Variants in SASH1 observed in about 807,000 individuals in gnomAD.
SASH1 encodes the protein SAM and SH3 domain-containing protein 1.
A neutral mutation model predicts 125.2 loss-of-function variants in SASH1; 44 were observed. The observed-to-expected ratio is 0.35, with a 90% confidence interval of 0.28 to 0.45. SASH1 has a LOEUF of 0.45. Ranked by LOEUF, SASH1 falls within the 20% of genes least tolerant of loss-of-function variation. SASH1 has a pLI of 1.00. For synonymous variants in SASH1, 639 were observed against 649.1 expected, an observed-to-expected ratio of 0.98 and a Z score of 0.24; for missense variants, 1,426 against 1,614.5, an observed-to-expected ratio of 0.88 and a Z score of 2.00.
intron 1 of SASH1, 68 bp downstream of exon 1, chr6:148,343,291 T>C (rs566754836): frequency 4.6e-5 from 68 of 1,480,970 alleles, no homozygotes; most frequent in Middle Eastern, 3.5e-4. Flanking sequence ...AACCGGGGGC[T>C]CCCTTCTCGC....
At chr6:148,382,335 G>T (rs1783173382) in intron 1 of SASH1, among the ~76,000 whole-genome samples, 1 of 152,174 alleles carries the variant, frequency 6.6e-6, no homozygotes, top group Non-Finnish European at 1.5e-5. Flanking sequence ...TGTCACCCAG[G>T]CTGGAGTGCG....
At chr6:148,234,932 T>C in the SASH1 span, among the ~76,000 whole-genome samples, 4 of 152,226 alleles carry the variant, frequency 2.6e-5, no homozygotes, top group East Asian at 3.9e-4. Flanking sequence ...ATCAGAAATA[T>C]TATCTAAAAT....
chr6:148,298,695 AAGGAAGGAAGGAAGGAAGAAGGAAGGG>A lies in SASH1; in HGVS notation n.74+26320_74+26346del, dbSNP rs1562312182. 8.2e-5 allele frequency among the ~76,000 whole-genome samples: 7 copies of A among 85,404 alleles called. 1 individual carries two copies. Among genetic ancestry groups the A allele is most frequent in the African/African-American group, 3.2e-4 (7 of 22,112 alleles). 56.0% of individuals were successfully genotyped at this position (85,404 alleles called of 152,430 possible). A position where few individuals can be genotyped will look rare whatever the true frequency, so the allele number is the denominator to read the frequency against. On this transcript the variant is annotated intron_variant and non_coding_transcript_variant, in intron 1 of 3. Transcript: ENST00000367469. ...GAAGGAAGGAAGGAAGGAAGGAAGG[AAGGAAGGAAGGAAGGAAGAAGGAAGGG>A]AAAGGAGGGAGGGAGGGAGGGAAAG...
chr6:148,505,415 G>A lies in SASH1; in HGVS notation c.730-8909G>A, dbSNP rs145735192. Among the ~76,000 whole-genome samples the A allele has an allele frequency of 5.5e-3, 833 of 152,328 alleles. 4 individuals are homozygous for A. Among genetic ancestry groups the A allele is most frequent in the Admixed American group, 8.5e-3 (130 of 15,308 alleles). On this transcript the variant is annotated intron_variant, in intron 8 of 19. Transcript: ENST00000367467. ...TGCAGCCACTGCCTCCCAGGTTCAAGCGATTCTTGTGTCTCAGCCTCCTGA... is the reference window on the plus strand; with the variant it reads ...TGCAGCCACTGCCTCCCAGGTTCAAACGATTCTTGTGTCTCAGCCTCCTGA...
intron 4 of SASH1, among the ~76,000 whole-genome samples, chr6:148,457,687 CA>C (rs1268112348): frequency 2.0e-5 from 3 of 152,140 alleles, no homozygotes; most frequent in African/African-American, 7.2e-5. Flanking sequence ...TGTATTCATC[CA>C]TCCTCACGCT....
chr6:148,524,659 G>T (rs1344150620), intron 10 of SASH1: 1 of 152,228 alleles, frequency 6.6e-6, no homozygotes, highest in African/African-American at 2.4e-5. Flanking sequence ...GGGTCACCAT[G>T]AATTAACTTG....
intron 8 of SASH1, chr6:148,508,516 T>C: frequency 9.9e-7 from 1 of 1,013,038 alleles, no homozygotes; most frequent in Non-Finnish European, 1.2e-6. Context: ...ACAGGGATTG[T>C]TGGCCATGCA....
At chr6:148,477,789 C>T (rs995281887) in intron 7 of SASH1, among the ~76,000 whole-genome samples, 4 of 151,402 alleles carry the variant, frequency 2.6e-5, no homozygotes, top group Admixed American at 6.6e-5. Flanking sequence ...CCTCCACCTC[C>T]CAGGTTCCAG....
chr6:148,414,554 A>T (rs1430143001), intron 2 of SASH1, among the ~76,000 whole-genome samples: 2 of 152,210 alleles, frequency 1.3e-5, no homozygotes, highest in Non-Finnish European at 2.9e-5. Flanking sequence ...AAGTTTATCC[A>T]ACACATACTT....
At chr6:148,321,691 A>G (rs1780637379) in intron 1 of SASH1, among the ~76,000 whole-genome samples, 3 of 152,172 alleles carry the variant, frequency 2.0e-5, no homozygotes, top group African/African-American at 7.2e-5. Context: ...CACATTCCCA[A>G]TGCTTAGCAC....
At chr6:148,355,905 G>A (rs1397738517) in intron 1 of SASH1, among the ~76,000 whole-genome samples, 1 of 151,986 alleles carries the variant, frequency 6.6e-6, no homozygotes, top group African/African-American at 2.4e-5. Context: ...TGGGGAACAG[G>A]TCAGGTAGTA....
intron 1 of SASH1, among the ~76,000 whole-genome samples, chr6:148,307,030 T>TTCTC (rs1483558586): frequency 1.4e-4 from 6 of 44,102 alleles, no homozygotes; most frequent in Non-Finnish European, 2.6e-4. Context: ...TTTCTTTTCT[T>TTCTC]TCTTTCTTTC....
the SASH1 span, among the ~76,000 whole-genome samples, chr6:148,257,628 C>CTTT: frequency 2.3e-4 from 29 of 127,128 alleles, no homozygotes; most frequent in African/African-American, 3.0e-4. Flanking sequence ...TGTCAGTTTA[C>CTTT]TTTTTTTTTT....
chr6:148,390,305 C>T (rs1783647361), intron 2 of SASH1, 43 bp downstream of exon 2: 1 of 1,589,526 alleles, frequency 6.3e-7, no homozygotes, highest in Non-Finnish European at 8.6e-7. Context: ...AGCAGAGCTG[C>T]TCCAATTTGG....
At chr6:148,281,873 G>T (rs1779350260) in intron 1 of SASH1, among the ~76,000 whole-genome samples, 2 of 150,364 alleles carry the variant, frequency 1.3e-5, no homozygotes, top group African/African-American at 2.5e-5. Context: ...AGTGAGCCAA[G>T]ATTGCACCAC....
chr6:148,316,037 A>G (rs1780472094), intron 1 of SASH1, among the ~76,000 whole-genome samples: 1 of 152,228 alleles, frequency 6.6e-6, no homozygotes, highest in Non-Finnish European at 1.5e-5. Context: ...CCTTTTGTTC[A>G]TTGATTTCCT....
At position 148,551,620 on chromosome 6, in the gene SASH1, A is replaced by G. The variant is rs371286660; in HGVS notation, c.*3062A>G. The G allele has an allele frequency of 7.2e-5, 11 of 152,438 alleles. No homozygotes were observed. Among genetic ancestry groups the G allele is most frequent in the South Asian group, 2.1e-4 (1 of 4,826 alleles). 9.4% of individuals were successfully genotyped at this position (152,438 alleles called of 1,614,324 possible). ...TTTGCTTTCATAACTGCAGCAAAAA[A>G]GGTCAACTTGCCAAGTCACTGCTGC... On this transcript the variant is annotated 3_prime_UTR_variant, in exon 20 of 20. Transcript: ENST00000367467.
chr6:148,516,490 G>GCCCCCCCCC (rs1780445168), intron 9 of SASH1, among the ~76,000 whole-genome samples: 2 of 114,272 alleles, frequency 1.8e-5, no homozygotes, highest in African/African-American at 3.1e-5. Context: ...GCCAGTAGGC[G>GCCCCCCCCC]CCCCCTCCCC....
Position 148,543,806 on chromosome 6 carries a change from A to G in SASH1, c.2336A>G (p.Lys779Arg), listed in dbSNP as rs149331783. Residue 779 changes from lysine to arginine, a missense_variant, in exon 18 of 20, where the codon AAG becomes AGG. This residue lies in a region of SASH1 where 634 missense variants were observed against 694.4 expected (regional missense o/e 0.91). Coordinates refer to ENST00000367467, the MANE Select transcript of SASH1 (RefSeq NM_015278.5). ...LPLMKSGDAL[K>R]QGQEEGRLGG... ...TTAATGAAATCAGGGGATGCACTGA[A>G]GCAGGGACAGGAGGAGGGCAGGCTG... The G allele has an allele frequency of 1.8e-4, 283 of 1,614,162 alleles. No individual in the cohort carries two copies. In the African/African-American group the frequency reaches 3.5e-3, roughly 20 times the overall value.
Sources: allele counts gnomAD v4.1 joint callset (sites outside exome capture counted in the v4.1 genomes callset), GRCh38; gene constraint gnomAD v4.1.1; regional missense constraint gnomAD v4.1.1; transcripts MANE v1.5; gene names NCBI Gene and HGNC (gene_info 2026-07-23, HGNC 2026-07-21).